MSI2: variants seen among roughly 807,000 people sequenced by gnomAD.
MSI2 encodes RNA-binding protein Musashi homolog 2.
MSI2 carries 17 observed loss-of-function variants against 45.6 expected under a neutral mutation model. The observed-to-expected ratio is 0.37, with a 90% CI of 0.26 to 0.56. MSI2 has a LOEUF of 0.56. Ranked by LOEUF, MSI2 falls within the 20% of genes least tolerant of loss-of-function variation. MSI2 has a pLI of 0.77. For synonymous variants in MSI2, 156 were observed against 158.2 expected (o/e 0.99, Z 0.11); for missense variants, 293 against 444.2 (o/e 0.66, Z 3.06).
At chr17:57,325,633 C>T (rs542237398) in intron 5 of MSI2, among the ~76,000 whole-genome samples, 11 of 152,298 alleles carry the variant, frequency 7.2e-5, no homozygotes, top group African/African-American at 2.6e-4. Context: ...TTTTTACCCC[C>T]TTTGCTGACC....
At chr17:57,696,564 A>G in the MSI2 span, among the ~76,000 whole-genome samples, 2 of 152,054 alleles carry the variant, frequency 1.3e-5, no homozygotes, top group Non-Finnish European at 2.9e-5. Context: ...CAAGACCCCT[A>G]TCTCTACAAA....
chr17:57,309,494 G>A (rs9915537), intron 5 of MSI2, among the ~76,000 whole-genome samples: 4,050 of 152,244 alleles, frequency 0.027, 165 homozygotes, highest in African/African-American at 0.091. Flanking sequence ...ATGGGGAAAC[G>A]TGTGTAATAA....
chr17:57,314,696 C>T (rs1482730029), intron 5 of MSI2, among the ~76,000 whole-genome samples: 1 of 151,012 alleles, frequency 6.6e-6, no homozygotes, highest in Non-Finnish European at 1.5e-5. Context: ...CTCAGCCTCC[C>T]GAATAGCTGG....
intron 5 of MSI2, among the ~76,000 whole-genome samples, chr17:57,352,329 C>T (rs1255863043): frequency 1.3e-5 from 2 of 152,162 alleles, no homozygotes; most frequent in Admixed American, 6.5e-5. Flanking sequence ...AATCTGTGGC[C>T]GCCCTTCCTA....
At chr17:57,291,743 C>G (rs1910434368) in intron 5 of MSI2, among the ~76,000 whole-genome samples, 1 of 152,168 alleles carries the variant, frequency 6.6e-6, no homozygotes, top group Non-Finnish European at 1.5e-5. Flanking sequence ...TCAATATACC[C>G]TGGCCTTGTC....
At chr17:57,397,433 G>A (rs989752522) in intron 5 of MSI2, among the ~76,000 whole-genome samples, 1 of 152,192 alleles carries the variant, frequency 6.6e-6, no homozygotes, top group Non-Finnish European at 1.5e-5. Context: ...GCATATACAT[G>A]TGTGTGCACC....
intron 11 of MSI2, among the ~76,000 whole-genome samples, chr17:57,653,020 C>A (rs1213011576): frequency 2.0e-5 from 3 of 152,148 alleles, no homozygotes; most frequent in Non-Finnish European, 2.9e-5. Flanking sequence ...CAGCTCTGTC[C>A]CCCCACGCCC....
chr17:57,471,102 G>A (rs895576678), intron 6 of MSI2, among the ~76,000 whole-genome samples: 3 of 152,038 alleles, frequency 2.0e-5, no homozygotes, highest in Admixed American at 6.5e-5. Context: ...CCCTGGGGGT[G>A]GTGGCTGCCC....
chr17:57,410,133 G>A (rs1009792947), intron 6 of MSI2, among the ~76,000 whole-genome samples: 54 of 151,932 alleles, frequency 3.6e-4, no homozygotes, highest in Non-Finnish European at 5.0e-4. Flanking sequence ...TGGTTGTCTG[G>A]GTTTGCCTGT....
At chr17:57,486,988 A>G (rs2085766985) in intron 6 of MSI2, among the ~76,000 whole-genome samples, 1 of 152,204 alleles carries the variant, frequency 6.6e-6, no homozygotes, top group South Asian at 2.1e-4. Context: ...GGATTGTAAA[A>G]GAGAAAGAGA....
chr17:57,489,144 G>T (rs1028945748), intron 6 of MSI2, among the ~76,000 whole-genome samples: 1 of 152,246 alleles, frequency 6.6e-6, no homozygotes, highest in Non-Finnish European at 1.5e-5. Context: ...CGCAAGCCAC[G>T]TGCTTTCTGG....
At position 57,677,091 on chromosome 17, in the gene MSI2, T is replaced by C. The variant is rs879189263; in HGVS notation, c.*31+32T>C. 9 of 1,494,070 alleles carry C rather than the reference T, an allele frequency of 6.0e-6. No homozygotes were observed. The South Asian group carries it at 9.0e-5, about 15-fold the overall frequency. The allele number at this position is 1,494,070 out of a possible 1,614,324, so 92.6% of individuals were successfully genotyped here. A position where few individuals can be genotyped will look rare whatever the true frequency, so the allele number is the denominator to read the frequency against. ...CCGTCTCTGCCATGTGTCTCTGCCC[T>C]GCCGGTGTGTCCGTACATGTATGTC... On this transcript the variant is annotated intron_variant, in intron 13 of 13. Coordinates refer to ENST00000284073, the MANE Select transcript of MSI2 (RefSeq NM_138962.4).
intron 7 of MSI2, among the ~76,000 whole-genome samples, chr17:57,543,887 T>C (rs2087107429): frequency 6.6e-6 from 1 of 152,248 alleles, no homozygotes; most frequent in Non-Finnish European, 1.5e-5. Context: ...TAATGGACAA[T>C]TGAATCATTC....
intron 5 of MSI2, among the ~76,000 whole-genome samples, chr17:57,282,828 G>T (rs1909540545): frequency 5.9e-5 from 1 of 16,986 alleles, no homozygotes; most frequent in African/African-American, 1.7e-4. Flanking sequence ...GGGGGGTGGG[G>T]GGCAGACTTT....
chr17:57,653,561 C>T (rs969880254), intron 11 of MSI2, among the ~76,000 whole-genome samples: 2 of 152,140 alleles, frequency 1.3e-5, no homozygotes, highest in African/African-American at 4.8e-5. Context: ...AACTTGAGTG[C>T]TTTTTGGTAT....
At chr17:57,622,041 A>C (rs1908336236) in intron 9 of MSI2, among the ~76,000 whole-genome samples, 1 of 152,208 alleles carries the variant, frequency 6.6e-6, no homozygotes, top group Non-Finnish European at 1.5e-5. Context: ...TCTACTAAAA[A>C]TACAAAAATT....
chr17:57,441,814 G>T (rs887227219), intron 6 of MSI2, among the ~76,000 whole-genome samples: 1 of 152,192 alleles, frequency 6.6e-6, no homozygotes, highest in African/African-American at 2.4e-5. Flanking sequence ...CACACAGTAG[G>T]TGTGTAGCAA....
chr17:57,478,458 C>T (rs1015912411), intron 6 of MSI2, among the ~76,000 whole-genome samples: 4 of 152,282 alleles, frequency 2.6e-5, no homozygotes, highest in East Asian at 1.9e-4. Flanking sequence ...TGCCAGATAT[C>T]TTAGTTTCTT....
At chr17:57,609,617 G>C (rs1390134280) in intron 8 of MSI2, among the ~76,000 whole-genome samples, 1 of 152,208 alleles carries the variant, frequency 6.6e-6, no homozygotes. Flanking sequence ...TTTGTACAGA[G>C]ACCAGGGAAA....
Sources: gnomAD v4.1 joint callset for allele counts (sites outside exome capture counted in the v4.1 genomes callset) on GRCh38, gnomAD v4.1.1 for gene constraint, MANE v1.5 for transcripts, NCBI Gene and HGNC (gene_info 2026-07-23, HGNC 2026-07-21) for gene names.